Variants in ZNF682 observed in about 807,000 individuals in gnomAD.
The protein encoded by ZNF682 is zinc finger protein 682.
ZNF682 carries 29 observed loss-of-function variants against 36.5 expected under a neutral mutation model. That is an observed-to-expected ratio of 0.80 (90% CI 0.59 to 1.08). ZNF682 has a LOEUF of 1.08. ZNF682 is among the 50% of genes least tolerant of loss of function. The probability of loss-of-function intolerance (pLI) is 0.00; values close to 1 mark genes in which losing one functional copy is unlikely to be tolerated. For synonymous variants in ZNF682, 180 were observed against 197.0 expected (o/e 0.91, Z 0.72); for missense variants, 561 against 579.7 (o/e 0.97, Z 0.33).
intron 3 of ZNF682, among the ~76,000 whole-genome samples, chr19:20,010,496 C>G (rs1019449193): frequency 2.0e-5 from 3 of 151,662 alleles, no homozygotes; most frequent in Non-Finnish European, 2.9e-5. Flanking sequence ...CCCGTCTCTA[C>G]TAAAATACAA....
intron 3 of ZNF682, among the ~76,000 whole-genome samples, chr19:20,011,775 T>C (rs28788587): frequency 0.078 from 11,894 of 152,144 alleles, 698 homozygotes; most frequent in East Asian, 0.2. Flanking sequence ...TGGTGGCTCA[T>C]GTCTGCAATC....
At chr19:20,007,496 T>C in intron 3 of ZNF682, 1 of 464,940 alleles carries the variant, frequency 2.2e-6, no homozygotes, top group Non-Finnish European at 3.7e-6. Context: ...ATGCAGAAAC[T>C]GTGGTTGAAG....
intron 1 of ZNF682, among the ~76,000 whole-genome samples, chr19:20,037,920 C>A (rs2088548110): frequency 1.3e-5 from 2 of 152,236 alleles, no homozygotes; most frequent in African/African-American, 4.8e-5. Flanking sequence ...CACAATGCAC[C>A]AACCACTCCA....
chr19:20,017,217 C>A (rs993065447), intron 3 of ZNF682, among the ~76,000 whole-genome samples: 15 of 152,146 alleles, frequency 9.9e-5, no homozygotes, highest in Non-Finnish European at 1.9e-4. Context: ...AATTTTATTT[C>A]TTTCTGGTAT....
Position 20,007,215 on chromosome 19 carries a change from T to G in ZNF682, c.287A>C (p.Gln96Pro), listed in dbSNP as rs748467326. The change falls in exon 4 of 4, where the codon CAA (glutamine) becomes CCA (proline). Residue 96 changes from glutamine to proline, a missense_variant. Physicochemically the swap from Gln to Pro is moderately conservative, Grantham distance 76 (BLOSUM62 -1). Coordinates refer to ENST00000397165, the MANE Select transcript of ZNF682 (RefSeq NM_033196.3). ...TCCATATCTTCTCAGTATCACTTTT[T>G]GGAATGAATCTTGCATGCACTGTTC... is the stretch of plus-strand genomic sequence containing the variant. ...LPEQCMQDSF[Q>P]KVILRRYGSC... The G allele has an allele frequency of 4.7e-5, 76 of 1,613,636 alleles. No individual in the cohort carries two copies. The highest frequency in any genetic ancestry group is 5.8e-5 in the Non-Finnish European group (69 of 1,180,020).
Position 20,006,666 on chromosome 19 carries a change from T to A in ZNF682, c.836A>T (p.His279Leu). 6.2e-7 allele frequency: 1 copy of A among 1,614,118 alleles called. No individual in the cohort carries two copies. Among genetic ancestry groups the A allele is most frequent in the Non-Finnish European group, 8.5e-7 (1 of 1,180,012 alleles). ...CSPFVRHKKI[H>L]TGEKPYTCED... is the part of the protein sequence containing the mutation. ...ACATGTATAGGGTTTTTCTCCTGTA[T>A]GAATTTTCTTATGTCTAACAAAGGG... The change falls in exon 4 of 4, where the codon CAT becomes CTT. Residue 279 changes from histidine to leucine, a missense_variant. His to Leu is a moderately conservative substitution (Grantham distance 99). Transcript: ENST00000397165.
chr19:20,024,599 A>C (rs2088415812), intron 1 of ZNF682, among the ~76,000 whole-genome samples: 1 of 152,212 alleles, frequency 6.6e-6, no homozygotes, highest in Non-Finnish European at 1.5e-5. Context: ...TCATTTTGGG[A>C]GGCCGAGGCA....
chr19:20,008,481 A>G (rs2088250724), intron 3 of ZNF682, among the ~76,000 whole-genome samples: 1 of 152,218 alleles, frequency 6.6e-6, no homozygotes, highest in African/African-American at 2.4e-5. Flanking sequence ...CAGGTGCAAT[A>G]CTGGTTGCAA....
downstream of ZNF682, among the ~76,000 whole-genome samples, chr19:20,003,050 G>C (rs971288699): frequency 6.6e-6 from 1 of 151,486 alleles, no homozygotes; most frequent in Non-Finnish European, 1.5e-5. Flanking sequence ...AATGAGCCGG[G>C]CGTGGTGGTG....
chr19:20,001,015 ACT>A (rs752478795), downstream of ZNF682, among the ~76,000 whole-genome samples: 8 of 151,906 alleles, frequency 5.3e-5, no homozygotes, highest in Non-Finnish European at 8.8e-5. Context: ...AAATATGGAA[ACT>A]CTCTGACCTC....
intron 1 of ZNF682, among the ~76,000 whole-genome samples, chr19:20,029,233 G>A (rs934008289): frequency 2.7e-5 from 4 of 150,896 alleles, no homozygotes; most frequent in East Asian, 2.0e-4. Context: ...CCTGCGCCCC[G>A]GCCTCCCAAA....
At chr19:19,998,044 T>C (rs1315921441) in intron 3 of ZNF682, among the ~76,000 whole-genome samples, 15 of 152,086 alleles carry the variant, frequency 9.9e-5, no homozygotes, top group Admixed American at 9.8e-4. Flanking sequence ...AGCCAGTCTT[T>C]CCCTTACACT....
downstream of ZNF682, among the ~76,000 whole-genome samples, chr19:19,999,693 C>T (rs940489488): frequency 6.6e-6 from 1 of 152,104 alleles, no homozygotes; most frequent in South Asian, 2.1e-4. Flanking sequence ...CACCACCATA[C>T]CTGGTTAACT....
In ZNF682 at chr19:20,005,866, T is replaced by G; in HGVS notation, c.*139A>C. 1.1e-6 allele frequency: 1 copy of G among 881,548 alleles called. No individual in the cohort carries two copies. Among genetic ancestry groups the G allele is most frequent in the Non-Finnish European group, 1.7e-6 (1 of 589,226 alleles). 54.6% of individuals were successfully genotyped at this position (881,548 alleles called of 1,614,324 possible). ...TGTGCAATAAGCTGTCAGCAATGGTTGAAGACTTTCCCCACATTCTTCACA... is the reference window on the plus strand; with the variant it reads ...TGTGCAATAAGCTGTCAGCAATGGTGGAAGACTTTCCCCACATTCTTCACA... On this transcript the variant is annotated 3_prime_UTR_variant, in exon 4 of 4. Coordinates refer to ENST00000397165, the MANE Select transcript of ZNF682 (RefSeq NM_033196.3).
intron 1 of ZNF682, chr19:20,034,251 A>G (rs895159069): frequency 6.6e-6 from 1 of 152,220 alleles, no homozygotes; most frequent in Admixed American, 6.5e-5. Context: ...TTTTTCTTCC[A>G]TCTTTGCTGC....
At chr19:20,028,208 C>T (rs1176425158) in intron 1 of ZNF682, among the ~76,000 whole-genome samples, 1 of 67,892 alleles carries the variant, frequency 1.5e-5, no homozygotes, top group Admixed American at 1.5e-4. Flanking sequence ...TAATTTGATT[C>T]TGCAGGTTTG....
downstream of ZNF682, among the ~76,000 whole-genome samples, chr19:19,996,139 T>C (rs576111097): frequency 6.6e-6 from 1 of 152,228 alleles, no homozygotes; most frequent in Non-Finnish European, 1.5e-5. Context: ...GCATTAGCGA[T>C]GTAAGGAGGC....
At position 20,017,517 on chromosome 19, in the gene ZNF682, A is replaced by G. The variant is rs568202313; in HGVS notation, c.226+5487T>C. Among the ~76,000 whole-genome samples the G allele has an allele frequency of 1.1e-3, 164 of 152,320 alleles. 1 individual carries two copies. The highest frequency in any genetic ancestry group is 3.6e-3 in the African/African-American group (149 of 41,588). On this transcript the variant is annotated intron_variant, in intron 3 of 3. Transcript: ENST00000397165. ...CATTTACCGGGAATCTATAACACAT[A>G]TAACTGTTATATAACTATAACACAT...
chr19:19,997,717 A>G lies in ZNF682; in HGVS notation c.227-454T>C, dbSNP rs989593341. ...AAAGAGAGGACAACGGAGGCTTCCA[A>G]GGTTACTCTTATCGCACTTGGAGCC... On this transcript the variant is annotated intron_variant, in intron 3 of 3. Transcript: ENST00000596019. 3.7e-4 allele frequency among the ~76,000 whole-genome samples: 57 copies of G among 152,212 alleles called. 1 individual carries two copies.
Sources: gnomAD v4.1 joint callset for allele counts (sites outside exome capture counted in the v4.1 genomes callset) on GRCh38, gnomAD v4.1.1 for gene constraint, MANE v1.5 for transcripts, NCBI Gene and HGNC (gene_info 2026-07-23, HGNC 2026-07-21) for gene names.